The following ADGRD2 variants were observed in gnomAD, a reference collection of about 807,000 sequenced individuals.
The protein encoded by ADGRD2 is G protein-coupled receptor PGR24.
A neutral mutation model predicts 44.4 loss-of-function variants in ADGRD2; 71 were observed. The observed-to-expected ratio is 1.60, with a 90% CI of 1.32 to 1.95. The LOEUF is 1.95. ADGRD2 is among the 30% of genes most tolerant of loss of function. The pLI, the probability that ADGRD2 is intolerant of heterozygous loss-of-function variation, is 0.00. For synonymous variants in ADGRD2, 481 were observed against 224.8 expected (o/e 2.14, Z -10.19); for missense variants, 1,039 against 512.4 (o/e 2.03, Z -9.92).
chr9:124,455,129 T>G lies in ADGRD2; in HGVS notation c.1393+2T>G. 1 of 696,846 alleles carries G rather than the reference T, an allele frequency of 1.4e-6. No individual in the cohort carries two copies. The allele number at this position is 696,846 out of a possible 1,614,324, so 43.2% of individuals were successfully genotyped here. A position where few individuals can be genotyped will look rare whatever the true frequency, so the allele number is the denominator to read the frequency against. On this transcript the variant is annotated splice_donor_variant, in intron 6 of 21. Transcript: ENST00000334810. LOFTEE classifies it high-confidence loss of function. ...GACACATGGCTCTCCCTCCGTGAAG[T>G]GAGGCTGGCAGGGCTGGGTGGGGCA...
At chr9:124,468,264 C>G (rs1025579796) in intron 13 of ADGRD2, 74 bp downstream of exon 16, 6 of 712,178 alleles carry the variant, frequency 8.4e-6, no homozygotes, top group Non-Finnish European at 1.3e-5. Context: ...TAGGGTGACC[C>G]CCTGCCCCCA....
At chr9:124,468,423 T>C (rs1831874689) in intron 13 of ADGRD2, 96 bp from the exon 17 acceptor site, 1 of 707,958 alleles carries the variant, frequency 1.4e-6, no homozygotes. Context: ...CTGAGACTTC[T>C]TTGGGTTGGC....
At chr9:124,469,010 CA>C (rs1032279757) in intron 14 of ADGRD2, among the ~76,000 whole-genome samples, 53 of 152,298 alleles carry the variant, frequency 3.5e-4, no homozygotes, top group African/African-American at 1.1e-3. Context: ...CTGTAGCCTC[CA>C]AAGCAGCCTC....
chr9:124,476,770 C>A (rs1052759011), intron 21 of ADGRD2, 61 bp downstream of exon 24: 2 of 678,230 alleles, frequency 2.9e-6, no homozygotes, highest in Non-Finnish European at 5.4e-6. Context: ...CCCCCTAAGC[C>A]CCCCGTACCA....
chr9:124,468,163 G>T, exon 13 of ADGRD2: 1 of 718,524 alleles, frequency 1.4e-6, no homozygotes, highest in South Asian at 1.5e-5. Context: ...GCTTCCTCAT[G>T]ACCAGCGAGT....
At position 124,452,125 on chromosome 9, in the gene ADGRD2, CA is replaced by C. The variant is rs1831487634; in HGVS notation, c.36del (p.Gln13ArgfsTer2). On this transcript the variant is annotated frameshift_variant, in exon 1 of 22. Transcript: ENST00000334810. LOFTEE classifies it high-confidence loss of function. ...CTCTCTGGGACCCCCTCCAACTCCC[CA>C]GGTGAATCAAGGAACCCTTGGGCCC... is the stretch of plus-strand genomic sequence containing the variant. 5.6e-6 allele frequency: 4 copies of C among 717,834 alleles called. No homozygotes were observed. The highest frequency in any genetic ancestry group is 1.0e-5 in the Non-Finnish European group (4 of 384,768). 44.5% of individuals were successfully genotyped at this position (717,834 alleles called of 1,614,324 possible). A position where few individuals can be genotyped will look rare whatever the true frequency, so the allele number is the denominator to read the frequency against.
chr9:124,462,592 C>T (rs1588604011), intron 10 of ADGRD2, among the ~76,000 whole-genome samples: 2 of 152,024 alleles, frequency 1.3e-5, no homozygotes, highest in African/African-American at 2.4e-5. Flanking sequence ...TGATGTATAC[C>T]TTTCAGTGCA....
chr9:124,453,862 C>T (rs1831558104), intron 3 of ADGRD2, 137 bp from the exon 7 acceptor site: 3 of 594,004 alleles, frequency 5.1e-6, no homozygotes, highest in African/African-American at 3.7e-5. Context: ...GCTCGTCCCC[C>T]GGCCCCCTTA....
At chr9:124,452,783 T>C in intron 2 of ADGRD2, 61 bp downstream of exon 5, 3 of 678,096 alleles carry the variant, frequency 4.4e-6, no homozygotes, top group Non-Finnish European at 8.1e-6. Flanking sequence ...CCTTCAGATA[T>C]AGGAGCCCAC....
chr9:124,452,007 C>T, upstream of ADGRD2: 1 of 329,572 alleles, frequency 3.0e-6, no homozygotes, highest in Non-Finnish European at 6.0e-6. Flanking sequence ...GCCCCCCTCC[C>T]ACCCACCCCC....
Position 124,474,276 on chromosome 9 carries a change from CAAAAAA to C in ADGRD2, c.2759-1153_2759-1148del, listed in dbSNP as rs397947760. The stretch of plus-strand genomic sequence containing the variant: ...GGCAATAAGAGTGAAAACTCTGTCT[CAAAAAA>C]AAAAAAAAAAAAAAAAGAGCTCAGA... On this transcript the variant is annotated intron_variant, in intron 17 of 21. Coordinates refer to ENST00000334810, the Ensembl canonical transcript of ADGRD2. Among the ~76,000 whole-genome samples the C allele has an allele frequency of 8.2e-4, 66 of 80,648 alleles. 1 individual carries two copies. In the Middle Eastern group the frequency reaches 0.026, roughly 32 times the overall value. 52.9% of individuals were successfully genotyped at this position (80,648 alleles called of 152,430 possible).
chr9:124,472,024 G>A (rs1037972611), intron 17 of ADGRD2, among the ~76,000 whole-genome samples: 14 of 152,208 alleles, frequency 9.2e-5, no homozygotes, highest in East Asian at 3.9e-4. Context: ...TTGCCATGGC[G>A]ATTCCTCCAG....
exon 6 of ADGRD2, chr9:124,455,115 C>T: frequency 4.2e-6 from 3 of 706,278 alleles, no homozygotes; most frequent in Non-Finnish European, 2.7e-6. Flanking sequence ...ACACATGGCT[C>T]TCCCTCCGTG....
exon 11 of ADGRD2, chr9:124,466,294 A>G (rs762272579): frequency 2.8e-6 from 2 of 713,242 alleles, no homozygotes; most frequent in South Asian, 1.5e-5. Flanking sequence ...AAGCCCATAT[A>G]CAGGGGGTGC....
intron 21 of ADGRD2, chr9:124,476,965 C>A (rs1454749888): frequency 1.2e-5 from 8 of 689,584 alleles, no homozygotes; most frequent in Admixed American, 4.1e-5. Context: ...AGAGCACAAC[C>A]TGCCTCCCTC....
At chr9:124,458,129 C>G (rs375577630) in exon 9 of ADGRD2, 3 of 718,464 alleles carry the variant, frequency 4.2e-6, no homozygotes, top group Non-Finnish European at 5.2e-6. Context: ...CTGGAGTCAC[C>G]GTGATCCACA....
rs758974694 is a variant in ADGRD2 at position 124,469,214 on chromosome 9, T to C, written c.2388-8T>C. ...CCCAGCCTTGAGGCCCCCTTCTCCCTCTCCCAGGCGTGCCTGTGGGCATCG... is the reference window on the plus strand; with the variant it reads ...CCCAGCCTTGAGGCCCCCTTCTCCCCCTCCCAGGCGTGCCTGTGGGCATCG... On this transcript the variant is annotated splice_polypyrimidine_tract_variant and splice_region_variant and intron_variant, in intron 14 of 21. Coordinates refer to ENST00000334810, the Ensembl canonical transcript of ADGRD2. 1 of 709,808 alleles carries C rather than the reference T, an allele frequency of 1.4e-6. No individual in the cohort carries two copies. Among genetic ancestry groups the C allele is most frequent in the East Asian group, 2.7e-5 (1 of 37,238 alleles). 44.0% of individuals were successfully genotyped at this position (709,808 alleles called of 1,614,324 possible). A position where few individuals can be genotyped will look rare whatever the true frequency, so the allele number is the denominator to read the frequency against.
intron 17 of ADGRD2, among the ~76,000 whole-genome samples, chr9:124,474,039 G>T (rs948445279): frequency 6.6e-6 from 1 of 152,134 alleles, no homozygotes; most frequent in East Asian, 1.9e-4. Context: ...ACTTTGGGAG[G>T]CCGAGGCGGG....
exon 2 of ADGRD2, chr9:124,452,682 G>A: frequency 1.4e-6 from 1 of 716,882 alleles, no homozygotes; most frequent in South Asian, 1.5e-5. Context: ...CGGTCTGGGT[G>A]GGCCAAAGAG....
Sources: allele counts gnomAD v4.1 joint callset (sites outside exome capture counted in the v4.1 genomes callset), GRCh38; gene constraint gnomAD v4.1.1; transcripts MANE v1.5; gene names NCBI Gene and HGNC (gene_info 2026-07-23, HGNC 2026-07-21).